Variants in MICU1 observed in about 807,000 individuals in gnomAD.
The protein encoded by MICU1 is calcium uptake protein 1, mitochondrial.
A neutral mutation model predicts 56.8 loss-of-function variants in MICU1; 45 were observed. The ratio of observed to expected loss-of-function variants is 0.79; its 90% confidence interval spans 0.62 to 1.02. MICU1 has a LOEUF of 1.02. MICU1 is among the 50% of genes least tolerant of loss of function. The pLI is 0.00. For missense variants in MICU1, 504 were observed against 587.1 expected (o/e 0.86, Z 1.46); for synonymous variants, 186 against 195.1 (o/e 0.95, Z 0.39).
chr10:72,451,752 A>C (rs776860861), intron 8 of MICU1, among the ~76,000 whole-genome samples: 5 of 152,184 alleles, frequency 3.3e-5, no homozygotes, highest in Non-Finnish European at 7.3e-5. Flanking sequence ...TTTGTTGCCC[A>C]GGCTGGTCTT....
chr10:72,554,051 T>C (rs556121131), intron 3 of MICU1, among the ~76,000 whole-genome samples: 1 of 152,298 alleles, frequency 6.6e-6, no homozygotes, highest in East Asian at 1.9e-4. Context: ...TATAAGACTT[T>C]CTTGAGCATT....
chr10:72,482,299 T>C (rs1044432894), intron 6 of MICU1, among the ~76,000 whole-genome samples: 10 of 152,188 alleles, frequency 6.6e-5, no homozygotes, highest in Admixed American at 6.5e-4. Flanking sequence ...GATGAAAAAA[T>C]GAATAGGTTA....
At chr10:72,577,425 C>G (rs1357094624) in intron 1 of MICU1, among the ~76,000 whole-genome samples, 3 of 151,618 alleles carry the variant, frequency 2.0e-5, no homozygotes, top group African/African-American at 7.3e-5. Context: ...AGGAGAATTG[C>G]TTGAACCCGG....
At chr10:72,394,398 G>A (rs1410670992) in intron 10 of MICU1, among the ~76,000 whole-genome samples, 1 of 152,156 alleles carries the variant, frequency 6.6e-6, no homozygotes, top group Non-Finnish European at 1.5e-5. Flanking sequence ...GGCTAAGGCA[G>A]GTGGATCACT....
intron 2 of MICU1, 96 bp downstream of exon 2, chr10:72,566,537 T>A: frequency 7.9e-7 from 1 of 1,260,580 alleles, no homozygotes; most frequent in Non-Finnish European, 1.1e-6. Flanking sequence ...GAAATTCTGA[T>A]ACAGAGTTAA....
intron 2 of MICU1, among the ~76,000 whole-genome samples, chr10:72,564,196 A>G (rs1341700889): frequency 2.6e-5 from 4 of 152,170 alleles, no homozygotes; most frequent in Admixed American, 2.6e-4. Flanking sequence ...ATTGAACAAA[A>G]TATATCAAAT....
At chr10:72,456,714 G>T (rs979505986) in intron 8 of MICU1, among the ~76,000 whole-genome samples, 2 of 151,412 alleles carry the variant, frequency 1.3e-5, no homozygotes, top group Non-Finnish European at 2.9e-5. Context: ...TTTGAGACAG[G>T]GTCTTGCTCT....
chr10:72,466,745 C>T (rs754853548), intron 8 of MICU1, among the ~76,000 whole-genome samples: 1 of 152,124 alleles, frequency 6.6e-6, no homozygotes, highest in Non-Finnish European at 1.5e-5. Context: ...GCCTTCTGGT[C>T]TCCTTTTCTA....
At chr10:72,491,851 A>G (rs1866666614) in intron 6 of MICU1, among the ~76,000 whole-genome samples, 2 of 152,180 alleles carry the variant, frequency 1.3e-5, no homozygotes, top group Admixed American at 1.3e-4. Flanking sequence ...GGAATTCTAC[A>G]GTACCATAAA....
intron 10 of MICU1, among the ~76,000 whole-genome samples, chr10:72,395,251 G>A (rs1224924756): frequency 5.3e-5 from 8 of 152,042 alleles, no homozygotes; most frequent in Admixed American, 5.2e-4. Flanking sequence ...TCCTGACCTT[G>A]TGATCGGCCC....
Position 72,441,615 on chromosome 10 carries a change from C to CTTTTTT in MICU1, c.934-18250_934-18245dup, listed in dbSNP as rs71018287. 1.6e-3 allele frequency among the ~76,000 whole-genome samples: 171 copies of CTTTTTT among 105,480 alleles called. 4 individuals carry two copies. The highest frequency in any genetic ancestry group is 2.5e-3 in the Non-Finnish European group (141 of 55,724). 69.2% of individuals were successfully genotyped at this position (105,480 alleles called of 152,430 possible). A position where few individuals can be genotyped will look rare whatever the true frequency, so the allele number is the denominator to read the frequency against. On this transcript the variant is annotated intron_variant, in intron 8 of 11. Coordinates refer to ENST00000361114, the MANE Select transcript of MICU1 (RefSeq NM_001195518.2). ...ATTTATTCACTTATTTTTAATTTTTCTTTTTTTTTTTTTTTTTTTGAGGCA... is the reference window on the plus strand; with the variant it reads ...ATTTATTCACTTATTTTTAATTTTTCTTTTTTTTTTTTTTTTTTTTTTTTTGAGGCA...
At chr10:72,608,500 C>T (rs569705322) in intron 1 of MICU1, among the ~76,000 whole-genome samples, 20 of 152,312 alleles carry the variant, frequency 1.3e-4, no homozygotes, top group Non-Finnish European at 2.2e-4. Flanking sequence ...TGCTCAACAT[C>T]ATCAATCATT....
intron 10 of MICU1, among the ~76,000 whole-genome samples, chr10:72,381,450 G>A (rs1319991190): frequency 6.6e-6 from 1 of 152,138 alleles, no homozygotes; most frequent in Non-Finnish European, 1.5e-5. Flanking sequence ...ATGAGCTTTT[G>A]TTAATACAAA....
intron 10 of MICU1, among the ~76,000 whole-genome samples, chr10:72,385,576 T>C (rs564343488): frequency 1.3e-5 from 2 of 152,296 alleles, no homozygotes; most frequent in African/African-American, 4.8e-5. Context: ...AGCCCTAAAA[T>C]TTAAATCAGT....
chr10:72,563,638 T>C (rs1014958842), intron 2 of MICU1, among the ~76,000 whole-genome samples: 4 of 152,228 alleles, frequency 2.6e-5, no homozygotes, highest in Non-Finnish European at 4.4e-5. Context: ...GAAAACGTTC[T>C]GGAGATCTGT....
intron 9 of MICU1, 143 bp downstream of exon 9, chr10:72,423,091 C>T: frequency 1.8e-6 from 2 of 1,103,334 alleles, no homozygotes; most frequent in Non-Finnish European, 1.3e-6. Flanking sequence ...TTCTTTTCTC[C>T]CTACGGACCT....
At chr10:72,525,239 T>A (rs940585022) in intron 5 of MICU1, among the ~76,000 whole-genome samples, 1 of 151,802 alleles carries the variant, frequency 6.6e-6, no homozygotes, top group Non-Finnish European at 1.5e-5. Flanking sequence ...CACTCCAAAC[T>A]ATTTTCAAAT....
chr10:72,463,746 A>ACCCTATTT (rs1865706144), intron 8 of MICU1, among the ~76,000 whole-genome samples: 1 of 152,196 alleles, frequency 6.6e-6, no homozygotes, highest in African/African-American at 2.4e-5. Flanking sequence ...TTATAAATTT[A>ACCCTATTT]GTATACCCTA....
chr10:72,423,142 A>G, intron 9 of MICU1, 92 bp downstream of exon 9: 1 of 1,489,674 alleles, frequency 6.7e-7, no homozygotes, highest in Non-Finnish European at 9.0e-7. Context: ...TTGGTTCATG[A>G]AATACTCTCA....
Sources: gnomAD v4.1 joint callset for allele counts (sites outside exome capture counted in the v4.1 genomes callset) on GRCh38, gnomAD v4.1.1 for gene constraint, MANE v1.5 for transcripts, NCBI Gene and HGNC (gene_info 2026-07-23, HGNC 2026-07-21) for gene names.